TP53BP1: variants seen among roughly 807,000 people sequenced by gnomAD.
TP53BP1 encodes tumor protein p53 binding protein 1.
A neutral mutation model predicts 200.8 loss-of-function variants in TP53BP1; 61 were observed. The ratio of observed to expected loss-of-function variants is 0.30; its 90% CI spans 0.25 to 0.38. The LOEUF is 0.38. Among genes scored for constraint, TP53BP1 ranks in the 10% least tolerant of loss-of-function variants. The pLI is 1.00. For missense variants in TP53BP1, 2,144 were observed against 2,371.9 expected (o/e 0.90, Z 2.00); for synonymous variants, 822 against 844.3 (o/e 0.97, Z 0.46).
In TP53BP1 at chr15:43,471,209, G is replaced by A. The variant is rs145201702; in HGVS notation, c.1181-1143C>T. On this transcript the variant is annotated intron_variant, in intron 10 of 27. Transcript: ENST00000382044. Reference sequence around the variant, plus strand: ...ATTAAATCTAAAATATAACTGACAAGGGAAAATACACTGTTACATAAAAAA... The same window carrying A: ...ATTAAATCTAAAATATAACTGACAAAGGAAAATACACTGTTACATAAAAAA... 4.9e-4 allele frequency among the ~76,000 whole-genome samples: 74 copies of A among 151,568 alleles called. No homozygotes were observed. The East Asian group carries it at 0.014, about 28-fold the overall frequency.
intron 8 of TP53BP1, among the ~76,000 whole-genome samples, chr15:43,477,168 C>T (rs1476602645): frequency 1.3e-5 from 2 of 151,846 alleles, no homozygotes; most frequent in African/African-American, 4.8e-5. Context: ...AGCATGGTGG[C>T]GGGTGCCTGT....
intron 7 of TP53BP1, 61 bp from the exon 8 acceptor site, chr15:43,477,820 G>T: frequency 1.5e-6 from 2 of 1,314,124 alleles, no homozygotes; most frequent in Admixed American, 2.7e-5. Flanking sequence ...TAAATAAAAA[G>T]CTTTTCCTGT....
At chr15:43,498,864 A>C (rs1022215648) in intron 1 of TP53BP1, among the ~76,000 whole-genome samples, 3 of 152,196 alleles carry the variant, frequency 2.0e-5, no homozygotes, top group African/African-American at 7.2e-5. Flanking sequence ...TTTGGTACTA[A>C]GCAAAACTAA....
At chr15:43,481,646 C>T (rs1315809745) in intron 4 of TP53BP1, among the ~76,000 whole-genome samples, 3 of 151,358 alleles carry the variant, frequency 2.0e-5, no homozygotes, top group Admixed American at 2.0e-4. Flanking sequence ...GAAACCCCGT[C>T]TCTACTAAAA....
At chr15:43,498,549 G>C (rs1008908379) in intron 1 of TP53BP1, among the ~76,000 whole-genome samples, 1 of 152,170 alleles carries the variant, frequency 6.6e-6, no homozygotes, top group African/African-American at 2.4e-5. Flanking sequence ...GAGAGAGAGA[G>C]AAAGAAGTGC....
chr15:43,457,804 A>C (rs372883310), intron 11 of TP53BP1, among the ~76,000 whole-genome samples: 2 of 150,914 alleles, frequency 1.3e-5, no homozygotes, highest in Admixed American at 6.6e-5. Flanking sequence ...ATATCACCTG[A>C]GGTCAGGAGT....
At position 43,432,608 on chromosome 15, in the gene TP53BP1, T is replaced by C. The variant is rs2045698333; in HGVS notation, c.3261A>G (p.Thr1087=). 1.2e-6 allele frequency: 2 copies of C among 1,613,698 alleles called. No individual in the cohort carries two copies. The highest frequency in any genetic ancestry group is 3.3e-5 in the Admixed American group (2 of 59,982). ...TCATAGGCTGTTGACTCTGCCTGAT[T>C]GTATGGTCACCCTCCAATTTTTCTT... The part of the protein sequence containing the change: ...EEKEKLEGDH[T]IRQSQQPMKP... Residue 1087 remains threonine, a synonymous_variant, in exon 17 of 28, where the codon ACA becomes ACG. Coordinates refer to ENST00000382044, the MANE Select transcript of TP53BP1 (RefSeq NM_001141980.3).
chr15:43,503,406 C>T (rs1219440867), intron 1 of TP53BP1, among the ~76,000 whole-genome samples: 1 of 152,136 alleles, frequency 6.6e-6, no homozygotes, highest in African/African-American at 2.4e-5. Context: ...ACCTGTAATC[C>T]CAACACTTCA....
chr15:43,424,692 TA>T (rs1438421435), intron 18 of TP53BP1, among the ~76,000 whole-genome samples: 2 of 152,236 alleles, frequency 1.3e-5, no homozygotes, highest in East Asian at 3.8e-4. Context: ...AGTGCTGGGT[TA>T]AACAGAATAA....
upstream of TP53BP1, among the ~76,000 whole-genome samples, chr15:43,493,519 C>T (rs1170282430): frequency 6.6e-6 from 1 of 151,892 alleles, no homozygotes; most frequent in Non-Finnish European, 1.5e-5. Flanking sequence ...GAGAGAGTTT[C>T]CCAGCTTTCT....
chr15:43,403,717 G>C lies in TP53BP1; in HGVS notation c.*3666C>G. On this transcript the variant is annotated 3_prime_UTR_variant, in exon 28 of 28. Coordinates refer to ENST00000382044, the MANE Select transcript of TP53BP1 (RefSeq NM_001141980.3). ...TGCCTGAATGAAATCCTAGATCTCT[G>C]TCACAGTTTTTGTTCGCTGGTCAGT... 1.2e-6 allele frequency: 2 copies of C among 1,613,262 alleles called. No homozygotes were observed. The highest frequency in any genetic ancestry group is 1.7e-6 in the Non-Finnish European group (2 of 1,179,938).
In TP53BP1 at chr15:43,406,697, C is replaced by CAATAAT. The variant is rs201419832; in HGVS notation, c.*680_*685dup. 3.5e-5 allele frequency: 15 copies of CAATAAT among 433,202 alleles called. No individual in the cohort carries two copies. Among genetic ancestry groups the CAATAAT allele is most frequent in the African/African-American group, 2.9e-4 (14 of 48,588 alleles). The allele number at this position is 433,202 out of a possible 1,614,324, so 26.8% of individuals were successfully genotyped here. On this transcript the variant is annotated 3_prime_UTR_variant, in exon 28 of 28. Coordinates refer to ENST00000382044, the MANE Select transcript of TP53BP1 (RefSeq NM_001141980.3). ...AAGGAACTGCTTCCAGCTATTGTGA[C>CAATAAT]AATAATAATAATAATAATATTGGGT... is the stretch of plus-strand genomic sequence containing the variant.
rs1020685094 is a variant in TP53BP1 at position 43,409,556 on chromosome 15, G to A, written c.5400+91C>T. 8 of 628,602 alleles carry A rather than the reference G, an allele frequency of 1.3e-5. No individual in the cohort carries two copies. The Admixed American group carries it at 1.7e-4, about 14-fold the overall frequency. The allele number at this position is 628,602 out of a possible 1,614,324, so 38.9% of individuals were successfully genotyped here. The stretch of plus-strand genomic sequence containing the variant: ...CTGAAATCTCTGGCTACTTTATCCA[G>A]GTTCCCCAACCCCTCCCAGGCCTCT... On this transcript the variant is annotated intron_variant, in intron 25 of 27. Transcript: ENST00000382044.
chr15:43,478,444 T>C (rs777142107), intron 7 of TP53BP1, among the ~76,000 whole-genome samples: 7 of 151,992 alleles, frequency 4.6e-5, no homozygotes, highest in Non-Finnish European at 1.0e-4. Flanking sequence ...ATATTCAACT[T>C]TGCTTAGGAC....
chr15:43,479,287 G>T, intron 7 of TP53BP1, 110 bp downstream of exon 7: 1 of 1,236,840 alleles, frequency 8.1e-7, no homozygotes, highest in Non-Finnish European at 1.1e-6. Flanking sequence ...AGTACAAGGG[G>T]AAAATAATTT....
At position 43,467,680 on chromosome 15, in the gene TP53BP1, A is replaced by G. The variant is rs569838374; in HGVS notation, c.1389+2178T>C. Among the ~76,000 whole-genome samples the G allele has an allele frequency of 4.7e-4, 71 of 152,286 alleles. 1 individual carries two copies. In the South Asian group the frequency reaches 0.015, roughly 31 times the overall value. On this transcript the variant is annotated intron_variant, in intron 11 of 27. Transcript: ENST00000382044. Reference sequence around the variant, plus strand: ...CAGGAATACCTTTCCAAAGACCATAAAAGTCTCGTTTGGTCACTGATAAAC... The same window carrying G: ...CAGGAATACCTTTCCAAAGACCATAGAAGTCTCGTTTGGTCACTGATAAAC...
chr15:43,433,716 C>G (rs943354678), intron 16 of TP53BP1, among the ~76,000 whole-genome samples: 2 of 152,278 alleles, frequency 1.3e-5, no homozygotes, highest in Admixed American at 1.3e-4. Context: ...AAGACCACAT[C>G]TGGAATATCT....
chr15:43,407,505 A>ACTT lies in TP53BP1; in HGVS notation c.5809_5811dup (p.Lys1937dup). 6.2e-7 allele frequency: 1 copy of ACTT among 1,614,212 alleles called. No individual in the cohort carries two copies. Among genetic ancestry groups the ACTT allele is most frequent in the Non-Finnish European group, 8.5e-7 (1 of 1,180,022 alleles). On this transcript the variant is annotated inframe_insertion, in exon 28 of 28. Coordinates refer to ENST00000382044, the MANE Select transcript of TP53BP1 (RefSeq NM_001141980.3). ...ACAGGCAGCTGCAATGCTTCAGCACACTTCAGCACCGAGGCTGGGCATGAG... is the reference window on the plus strand; with the variant it reads ...ACAGGCAGCTGCAATGCTTCAGCACACTTCTTCAGCACCGAGGCTGGGCATGAG...
chr15:43,442,615 A>C (rs2045952491), intron 14 of TP53BP1, among the ~76,000 whole-genome samples: 1 of 150,962 alleles, frequency 6.6e-6, no homozygotes, highest in Non-Finnish European at 1.5e-5. Context: ...CTCATGCCTC[A>C]CCCTCCTGAG....
Sources: gnomAD v4.1 joint callset for allele counts (sites outside exome capture counted in the v4.1 genomes callset) on GRCh38, gnomAD v4.1.1 for gene constraint, MANE v1.5 for transcripts, NCBI Gene and HGNC (gene_info 2026-07-23, HGNC 2026-07-21) for gene names.